PHACTR1: variants seen among roughly 807,000 people sequenced by gnomAD.
PHACTR1 encodes RPEL repeat containing 1.
A neutral mutation model predicts 69.2 loss-of-function variants in PHACTR1; 16 were observed. That is an observed-to-expected ratio of 0.23 (90% CI 0.16 to 0.35). The LOEUF (loss-of-function observed/expected upper bound fraction) is 0.35, where lower values mean the gene tolerates loss of function less well. Among genes scored for constraint, PHACTR1 ranks in the 10% least tolerant of loss-of-function variants. The probability of loss-of-function intolerance (pLI) is 1.00; values close to 1 mark genes in which losing one functional copy is unlikely to be tolerated. For missense variants in PHACTR1, 510 were observed against 734.7 expected (o/e 0.69, Z 3.54); for synonymous variants, 312 against 284.5 (o/e 1.10, Z -0.97).
At chr6:12,741,935 A>G (rs1283161177) in intron 3 of PHACTR1, among the ~76,000 whole-genome samples, 5 of 152,138 alleles carry the variant, frequency 3.3e-5, no homozygotes, top group Non-Finnish European at 5.9e-5. Context: ...AATCTTTTTC[A>G]GTAATGTTTT....
intron 4 of PHACTR1, among the ~76,000 whole-genome samples, chr6:12,996,705 A>T (rs1203542320): frequency 6.6e-6 from 1 of 152,214 alleles, no homozygotes; most frequent in Admixed American, 6.5e-5. Context: ...ATGTTCAACA[A>T]ATCTTTTTAT....
chr6:12,984,728 G>A (rs1175635931), intron 4 of PHACTR1, among the ~76,000 whole-genome samples: 1 of 152,166 alleles, frequency 6.6e-6, no homozygotes, highest in Admixed American at 6.5e-5. Context: ...TCATTACTGG[G>A]GAGAGGATGG....
chr6:13,109,451 T>C (rs969536917), intron 5 of PHACTR1, among the ~76,000 whole-genome samples: 2 of 152,012 alleles, frequency 1.3e-5, no homozygotes, highest in Non-Finnish European at 2.9e-5. Flanking sequence ...TATAAACTTA[T>C]TCACTCATTG....
At chr6:12,842,335 T>C (rs1399804039) in intron 4 of PHACTR1, among the ~76,000 whole-genome samples, 4 of 152,338 alleles carry the variant, frequency 2.6e-5, no homozygotes, top group Admixed American at 2.0e-4. Flanking sequence ...TTGCCAGTGT[T>C]ACTGGGGAAA....
At chr6:12,945,390 A>G (rs1444959484) in intron 4 of PHACTR1, among the ~76,000 whole-genome samples, 1 of 152,256 alleles carries the variant, frequency 6.6e-6, no homozygotes, top group Middle Eastern at 3.2e-3. Context: ...TCATGAAAGC[A>G]GGAATTATGT....
At chr6:13,141,401 G>A (rs2113341713) in intron 5 of PHACTR1, among the ~76,000 whole-genome samples, 1 of 152,306 alleles carries the variant, frequency 6.6e-6, no homozygotes, top group South Asian at 2.1e-4. Context: ...AGAAAATGAT[G>A]TCTGCTATTT....
At chr6:13,221,319 G>A (rs1478080015) in intron 8 of PHACTR1, among the ~76,000 whole-genome samples, 1 of 152,070 alleles carries the variant, frequency 6.6e-6, no homozygotes, top group Non-Finnish European at 1.5e-5. Context: ...CTTAATCCAT[G>A]CTGTAGAGGG....
intron 4 of PHACTR1, among the ~76,000 whole-genome samples, chr6:12,857,773 T>C (rs905875186): frequency 6.6e-6 from 1 of 152,188 alleles, no homozygotes; most frequent in Non-Finnish European, 1.5e-5. Context: ...TCAGGATTAA[T>C]GTCTCCCAGT....
At chr6:13,026,688 T>C (rs1801745689) in intron 4 of PHACTR1, among the ~76,000 whole-genome samples, 1 of 152,036 alleles carries the variant, frequency 6.6e-6, no homozygotes, top group South Asian at 2.1e-4. Context: ...TGATAGCCCT[T>C]TCATCTCAAG....
chr6:12,747,516 A>T (rs560287929), intron 3 of PHACTR1, among the ~76,000 whole-genome samples: 2 of 152,122 alleles, frequency 1.3e-5, no homozygotes, highest in African/African-American at 2.4e-5. Flanking sequence ...AGAAAAAAAA[A>T]TTAGTTGGGC....
intron 4 of PHACTR1, among the ~76,000 whole-genome samples, chr6:12,787,734 G>C (rs1216964524): frequency 6.6e-6 from 1 of 152,166 alleles, no homozygotes; most frequent in Non-Finnish European, 1.5e-5. Flanking sequence ...GACCCTCCTA[G>C]ATTCTGAACC....
At chr6:12,916,700 A>G (rs1010661075) in intron 4 of PHACTR1, among the ~76,000 whole-genome samples, 1 of 152,192 alleles carries the variant, frequency 6.6e-6, no homozygotes, top group Admixed American at 6.5e-5. Context: ...GAGCAACATC[A>G]TTTAGATGGT....
At chr6:13,232,047 G>A (rs1246139690) in intron 10 of PHACTR1, among the ~76,000 whole-genome samples, 2 of 152,222 alleles carry the variant, frequency 1.3e-5, no homozygotes, top group Non-Finnish European at 2.9e-5. Context: ...CTTACTAGGT[G>A]TATAGCCTTA....
chr6:12,843,435 C>T (rs1260949287), intron 4 of PHACTR1, among the ~76,000 whole-genome samples: 1 of 151,964 alleles, frequency 6.6e-6, no homozygotes, highest in Non-Finnish European at 1.5e-5. Context: ...GAGCAGAGCC[C>T]AGAGAGTGGA....
At chr6:12,738,480 G>T (rs546183030) in intron 3 of PHACTR1, among the ~76,000 whole-genome samples, 5 of 152,162 alleles carry the variant, frequency 3.3e-5, no homozygotes, top group Admixed American at 3.3e-4. Flanking sequence ...GTTCGTGCTT[G>T]ATCTTTACTA....
intron 3 of PHACTR1, among the ~76,000 whole-genome samples, chr6:12,724,370 G>A (rs1412359846): frequency 6.6e-6 from 1 of 152,130 alleles, no homozygotes; most frequent in African/African-American, 2.4e-5. Flanking sequence ...AAATGACTTT[G>A]TATCAAGGGC....
At chr6:12,802,082 A>ATT (rs1773762371) in intron 4 of PHACTR1, among the ~76,000 whole-genome samples, 1 of 148,000 alleles carries the variant, frequency 6.8e-6, no homozygotes, top group South Asian at 2.1e-4. Flanking sequence ...ATTGAGCTAC[A>ATT]TATTATATAA....
intron 5 of PHACTR1, among the ~76,000 whole-genome samples, chr6:13,102,485 AAGAC>A (rs1815331971): frequency 6.6e-6 from 1 of 152,240 alleles, no homozygotes; most frequent in Non-Finnish European, 1.5e-5. Flanking sequence ...TTATAAATGA[AAGAC>A]AGGGAGAACT....
At chr6:12,816,552 G>C (rs1775614274) in intron 4 of PHACTR1, among the ~76,000 whole-genome samples, 1 of 152,224 alleles carries the variant, frequency 6.6e-6, no homozygotes, top group African/African-American at 2.4e-5. Flanking sequence ...ACATTTGTCA[G>C]TGTGTCACTG....
Sources: allele counts gnomAD v4.1 joint callset (sites outside exome capture counted in the v4.1 genomes callset), GRCh38; gene constraint gnomAD v4.1.1; transcripts MANE v1.5; gene names NCBI Gene and HGNC (gene_info 2026-07-23, HGNC 2026-07-21).